The following PARD3 variants were observed in gnomAD, a reference collection of about 807,000 sequenced individuals.
PARD3 encodes the protein par-3 family cell polarity regulator.
A neutral mutation model predicts 155.4 loss-of-function variants in PARD3; 75 were observed. That is an observed-to-expected ratio of 0.48 (90% CI 0.40 to 0.58). The LOEUF (loss-of-function observed/expected upper bound fraction) is 0.58, where lower values mean the gene tolerates loss of function less well. Ranked by LOEUF, PARD3 falls within the 20% of genes least tolerant of loss-of-function variation. PARD3 has a pLI of 0.00. For missense variants in PARD3, 1,642 were observed against 1,721.7 expected (o/e 0.95, Z 0.82); for synonymous variants, 576 against 610.5 (o/e 0.94, Z 0.83).
At chr10:34,225,833 G>C (rs1952571482) in intron 22 of PARD3, among the ~76,000 whole-genome samples, 1 of 152,162 alleles carries the variant, frequency 6.6e-6, no homozygotes, top group African/African-American at 2.4e-5. Flanking sequence ...GATAGGGAAA[G>C]AGTTCTTAGA....
chr10:34,311,203 A>C (rs1039144489), intron 20 of PARD3, among the ~76,000 whole-genome samples: 10 of 152,176 alleles, frequency 6.6e-5, no homozygotes, highest in African/African-American at 2.2e-4. Flanking sequence ...TCTCACAGGC[A>C]CTCAACCCAA....
intron 7 of PARD3, among the ~76,000 whole-genome samples, chr10:34,390,417 A>G (rs1221020322): frequency 2.6e-5 from 4 of 152,218 alleles, no homozygotes; most frequent in African/African-American, 4.8e-5. Context: ...CAAAAGATAA[A>G]TTGAGTATAA....
intron 1 of PARD3, among the ~76,000 whole-genome samples, chr10:34,792,257 T>C (rs185086097): frequency 8.5e-4 from 130 of 152,258 alleles, no homozygotes; most frequent in Non-Finnish European, 1.2e-3. Context: ...GGCTCTTCCC[T>C]GTAGGAAGAA....
At chr10:34,801,808 G>A (rs1195048448) in intron 1 of PARD3, among the ~76,000 whole-genome samples, 1 of 152,042 alleles carries the variant, frequency 6.6e-6, no homozygotes, top group Non-Finnish European at 1.5e-5. Flanking sequence ...AATTATAGAG[G>A]CCTATATAGT....
chr10:34,493,231 T>C (rs962436125), intron 3 of PARD3, among the ~76,000 whole-genome samples: 1 of 152,284 alleles, frequency 6.6e-6, no homozygotes, highest in African/African-American at 2.4e-5. Flanking sequence ...AAAGAATAAG[T>C]TGATAATGCA....
rs369988730 is a variant in PARD3 at position 34,632,772 on chromosome 10, A to G, written c.222+63546T>C. ...CTAGAGGATAAACCCAGCAAGTCTT[A>G]CCTTCATCAAAGCATCTGTAACACT... On this transcript the variant is annotated intron_variant, in intron 2 of 24. Transcript: ENST00000374788. Among the ~76,000 whole-genome samples the G allele has an allele frequency of 1.6e-4, 24 of 152,350 alleles. No individual in the cohort carries two copies. In the East Asian group the frequency reaches 3.3e-3, roughly 21 times the overall value.
At chr10:34,386,818 A>C (rs1319023394) in intron 7 of PARD3, among the ~76,000 whole-genome samples, 1 of 108,804 alleles carries the variant, frequency 9.2e-6, no homozygotes, top group East Asian at 2.1e-4. Flanking sequence ...AACTCCGTCC[A>C]AAAAAAAAAA....
intron 2 of PARD3, among the ~76,000 whole-genome samples, chr10:34,563,911 T>C (rs922048181): frequency 6.6e-6 from 1 of 152,224 alleles, no homozygotes; most frequent in Admixed American, 6.5e-5. Context: ...GTATATATAA[T>C]CTTTTCATAG....
chr10:34,440,758 C>G (rs905357051), intron 5 of PARD3, among the ~76,000 whole-genome samples: 4 of 152,068 alleles, frequency 2.6e-5, no homozygotes, highest in African/African-American at 9.7e-5. Flanking sequence ...CCCCATTCAA[C>G]TGCACACCCC....
intron 3 of PARD3, among the ~76,000 whole-genome samples, chr10:34,500,415 T>TTA (rs1167132456): frequency 6.6e-6 from 1 of 152,194 alleles, no homozygotes; most frequent in Non-Finnish European, 1.5e-5. Context: ...TCCACCATTT[T>TTA]TAAAGTTTCT....
chr10:34,448,131 C>CTGTGTGTG (rs1303608645), intron 5 of PARD3, among the ~76,000 whole-genome samples: 3 of 112,752 alleles, frequency 2.7e-5, no homozygotes, highest in African/African-American at 1.2e-4. Flanking sequence ...GTGATATACA[C>CTGTGTGTG]TGCGTGTGTG....
At chr10:34,586,902 T>C (rs1359523353) in intron 2 of PARD3, among the ~76,000 whole-genome samples, 1 of 152,054 alleles carries the variant, frequency 6.6e-6, no homozygotes, top group African/African-American at 2.4e-5. Flanking sequence ...TGAGCTGAGA[T>C]GGTGCCATTG....
intron 22 of PARD3, among the ~76,000 whole-genome samples, chr10:34,158,555 A>T (rs913205655): frequency 2.6e-5 from 4 of 152,258 alleles, no homozygotes; most frequent in Non-Finnish European, 5.9e-5. Flanking sequence ...AGCTTCATTC[A>T]GAAAGGCAAG....
chr10:34,649,676 T>C (rs1277234515), intron 2 of PARD3, among the ~76,000 whole-genome samples: 1 of 152,246 alleles, frequency 6.6e-6, no homozygotes, highest in Admixed American at 6.5e-5. Context: ...TTAGAAACAC[T>C]GCATGCTTAG....
rs199556730 is a variant in PARD3 at position 34,115,775 on chromosome 10, C to T, written c.3668+3838G>A. ...TTGCCCAGGCTGGAGTGCAGTGGCG[C>T]GATCTCGGCTCACTGCAAGCTCCGC... On this transcript the variant is annotated intron_variant, in intron 24 of 24. Coordinates refer to ENST00000374788, the MANE Select transcript of PARD3 (RefSeq NM_001184785.2). 2.4e-4 allele frequency among the ~76,000 whole-genome samples: 36 copies of T among 150,654 alleles called. 1 individual carries two copies. In the East Asian group the frequency reaches 5.1e-3, roughly 21 times the overall value.
rs1387829497 is a variant in PARD3, at chr10:34,735,163, TAAC to T, written c.121-38747_121-38745del. Reference sequence around the variant, plus strand: ...CGGACAACAGAAAATAATAAGTAGATAACCTAGTATTCACGAGAGAGATCAATT... The same window carrying T: ...CGGACAACAGAAAATAATAAGTAGATCTAGTATTCACGAGAGAGATCAATT... On this transcript the variant is annotated intron_variant, in intron 1 of 24. Transcript: ENST00000374788. Among the ~76,000 whole-genome samples the T allele has an allele frequency of 4.6e-5, 7 of 152,280 alleles. No homozygotes were observed. The East Asian group carries it at 9.6e-4, about 21-fold the overall frequency.
chr10:34,512,775 T>G (rs2081477521), intron 3 of PARD3, among the ~76,000 whole-genome samples: 1 of 152,168 alleles, frequency 6.6e-6, no homozygotes, highest in African/African-American at 2.4e-5. Flanking sequence ...TCCTTTAACT[T>G]ATATCTGTAC....
At chr10:34,763,471 G>A (rs79035031) in intron 1 of PARD3, among the ~76,000 whole-genome samples, 2,268 of 152,172 alleles carry the variant, frequency 0.015, 43 homozygotes, top group African/African-American at 0.051. Context: ...AAGACACAGG[G>A]TCATTCCCTG....
At chr10:34,146,984 C>G (rs1425857525) in intron 22 of PARD3, among the ~76,000 whole-genome samples, 1 of 151,974 alleles carries the variant, frequency 6.6e-6, no homozygotes, top group Non-Finnish European at 1.5e-5. Context: ...GCTGATTAGC[C>G]AAAGGTTTAC....
Sources: allele counts gnomAD v4.1 joint callset (sites outside exome capture counted in the v4.1 genomes callset), GRCh38; gene constraint gnomAD v4.1.1; transcripts MANE v1.5; gene names NCBI Gene and HGNC (gene_info 2026-07-23, HGNC 2026-07-21).